Variants in CDH13 observed in about 807,000 individuals in gnomAD.
CDH13 encodes the protein cadherin-13.
CDH13 carries 24 observed loss-of-function variants against 63.8 expected under a neutral mutation model. The ratio of observed to expected loss-of-function variants is 0.38; its 90% CI spans 0.27 to 0.53. The LOEUF is 0.53. CDH13 is among the 20% of genes least tolerant of loss of function. The pLI, the probability that CDH13 is intolerant of heterozygous loss-of-function variation, is 0.85. For synonymous variants in CDH13, 503 were observed against 355.3 expected (o/e 1.42, Z -4.67); for missense variants, 1,049 against 903.1 (o/e 1.16, Z -2.07).
chr16:83,361,892 T>C (rs2091169224), intron 6 of CDH13, among the ~76,000 whole-genome samples: 1 of 152,194 alleles, frequency 6.6e-6, no homozygotes, highest in Admixed American at 6.5e-5. Flanking sequence ...TTGCTTAGGA[T>C]TGCTTTGGCT....
chr16:83,453,494 G>A (rs1238675683), intron 6 of CDH13, among the ~76,000 whole-genome samples: 1 of 152,182 alleles, frequency 6.6e-6, no homozygotes. Context: ...TTAGCATCGT[G>A]TCTGACATGT....
At chr16:83,238,465 TG>T (rs1398207830) in intron 5 of CDH13, among the ~76,000 whole-genome samples, 1 of 152,088 alleles carries the variant, frequency 6.6e-6, no homozygotes, top group Non-Finnish European at 1.5e-5. Context: ...TCCCATGACA[TG>T]GGGGGATTGT....
intron 1 of CDH13, among the ~76,000 whole-genome samples, chr16:82,629,600 G>C (rs1465298333): frequency 6.6e-6 from 1 of 152,226 alleles, no homozygotes; most frequent in African/African-American, 2.4e-5. Context: ...GTGGTGTTCA[G>C]GCAAGCCTGT....
chr16:83,518,170 A>C (rs1192694040), intron 7 of CDH13, among the ~76,000 whole-genome samples: 1 of 150,332 alleles, frequency 6.7e-6, no homozygotes, highest in Non-Finnish European at 1.5e-5. Context: ...TTTGAGATGG[A>C]GTCTTGTTCT....
chr16:83,766,188 A>T (rs550728399), intron 11 of CDH13, among the ~76,000 whole-genome samples: 41 of 152,276 alleles, frequency 2.7e-4, no homozygotes, highest in African/African-American at 9.6e-4. Flanking sequence ...CTGCCCCACC[A>T]CACACTGTTT....
intron 6 of CDH13, among the ~76,000 whole-genome samples, chr16:83,420,676 T>A (rs2071688790): frequency 6.6e-6 from 1 of 152,226 alleles, no homozygotes; most frequent in Non-Finnish European, 1.5e-5. Flanking sequence ...ACCCACGTGA[T>A]TACAAGGTAA....
chr16:83,089,360 C>T (rs1055938775), intron 3 of CDH13, among the ~76,000 whole-genome samples: 2 of 152,352 alleles, frequency 1.3e-5, no homozygotes, highest in East Asian at 3.9e-4. Context: ...AATCATCACT[C>T]ACCATGCACC....
intron 6 of CDH13, among the ~76,000 whole-genome samples, chr16:83,349,830 A>C (rs952392414): frequency 6.6e-6 from 1 of 151,966 alleles, no homozygotes; most frequent in African/African-American, 2.4e-5. Flanking sequence ...TGAACTCCTG[A>C]CCTCAGGTTA....
At chr16:83,075,064 C>A (rs1359769848) in intron 3 of CDH13, among the ~76,000 whole-genome samples, 2 of 152,134 alleles carry the variant, frequency 1.3e-5, no homozygotes, top group African/African-American at 4.8e-5. Context: ...TCCTTGGGTC[C>A]AGCATCCTTG....
intron 5 of CDH13, among the ~76,000 whole-genome samples, chr16:83,326,274 T>C (rs1439433183): frequency 1.3e-5 from 2 of 152,172 alleles, no homozygotes; most frequent in Non-Finnish European, 2.9e-5. Flanking sequence ...TCTGCCAACA[T>C]GTACCATACC....
At chr16:82,657,835 T>G (rs1267270381) in intron 1 of CDH13, among the ~76,000 whole-genome samples, 1 of 152,258 alleles carries the variant, frequency 6.6e-6, no homozygotes, top group Non-Finnish European at 1.5e-5. Context: ...TTTTTTGGAT[T>G]TCTTACATAG....
At chr16:83,743,796 C>G (rs1388020630) in intron 10 of CDH13, among the ~76,000 whole-genome samples, 6 of 89,040 alleles carry the variant, frequency 6.7e-5, no homozygotes, top group African/African-American at 2.6e-4. Context: ...CATGATTGTT[C>G]CAACAGAAGG....
chr16:82,946,572 T>G (rs1334528111), intron 2 of CDH13, among the ~76,000 whole-genome samples: 1 of 151,976 alleles, frequency 6.6e-6, no homozygotes, highest in Non-Finnish European at 1.5e-5. Context: ...AGTACAAAAA[T>G]TAGCCTGGCG....
intron 10 of CDH13, among the ~76,000 whole-genome samples, chr16:83,695,400 G>A (rs1905277034): frequency 6.6e-6 from 1 of 152,202 alleles, no homozygotes; most frequent in East Asian, 1.9e-4. Context: ...CAAATGCTGT[G>A]ACTCTGTGGA....
At chr16:83,051,066 C>A (rs1046299367) in intron 3 of CDH13, among the ~76,000 whole-genome samples, 1 of 152,198 alleles carries the variant, frequency 6.6e-6, no homozygotes, top group Non-Finnish European at 1.5e-5. Context: ...TTATCTTTCT[C>A]CCTTTTCCTG....
chr16:83,322,010 C>T (rs2090238967), intron 5 of CDH13, among the ~76,000 whole-genome samples: 3 of 152,196 alleles, frequency 2.0e-5, no homozygotes. Flanking sequence ...GGTAGCTGTG[C>T]AAGGCCACTG....
intron 5 of CDH13, among the ~76,000 whole-genome samples, chr16:83,338,309 C>T (rs886185176): frequency 1.3e-5 from 2 of 152,026 alleles, no homozygotes; most frequent in African/African-American, 4.8e-5. Flanking sequence ...GTCAGACCAA[C>T]TGTCAGCTGT....
intron 3 of CDH13, among the ~76,000 whole-genome samples, chr16:83,054,649 G>C (rs2030734614): frequency 6.6e-6 from 1 of 152,002 alleles, no homozygotes; most frequent in African/African-American, 2.4e-5. Flanking sequence ...TAAAACTACA[G>C]AAAGCAAAAC....
chr16:83,132,822 A>T (rs1028021564), intron 4 of CDH13, among the ~76,000 whole-genome samples: 10 of 152,216 alleles, frequency 6.6e-5, no homozygotes, highest in African/African-American at 1.9e-4. Flanking sequence ...AGTATCTAAG[A>T]TGCCTAAAGG....
Sources: allele counts gnomAD v4.1 joint callset (sites outside exome capture counted in the v4.1 genomes callset), GRCh38; gene constraint gnomAD v4.1.1; transcripts MANE v1.5; gene names NCBI Gene and HGNC (gene_info 2026-07-23, HGNC 2026-07-21).